TLR5: variants seen among roughly 807,000 people sequenced by gnomAD.
TLR5 encodes toll like receptor 5, also known as toll-like receptor 5.
For synonymous variants in TLR5, 373 were observed against 384.4 expected, an observed-to-expected ratio of 0.97 and a Z score of 0.35; for missense variants, 944 against 999.8, an observed-to-expected ratio of 0.94 and a Z score of 0.75.
intron 5 of TLR5, chr1:223,129,449 C>G (rs1405593988): frequency 6.6e-6 from 1 of 152,308 alleles, no homozygotes; most frequent in African/African-American, 2.4e-5. Context: ...AGGCCCTGCT[C>G]CCGACCGACC....
intron 5 of TLR5, among the ~76,000 whole-genome samples, chr1:223,115,264 A>AT (rs2102874958): frequency 6.6e-6 from 1 of 152,218 alleles, no homozygotes; most frequent in South Asian, 2.1e-4. Context: ...TTTATTATTT[A>AT]TTTGAGACAG....
intron 5 of TLR5, among the ~76,000 whole-genome samples, chr1:223,121,706 G>C (rs1656962799): frequency 1.3e-5 from 2 of 152,192 alleles, no homozygotes; most frequent in Admixed American, 1.3e-4. Context: ...TTTTTGTAGA[G>C]ACAGGGTTTT....
Position 223,111,097 on chromosome 1 carries a change from T to C in TLR5, c.1935A>G (p.Val645=), listed in dbSNP as rs888328007. ...LKSLKFSLFI[V]CTVTLTLFLM... ...GGAACAGAGTCAGAGTGACAGTGCA[T>C]ACAATGAAAAGGGAGAACTTTAGGG... is the stretch of plus-strand genomic sequence containing the variant. Residue 645 remains valine, a synonymous_variant, in exon 6 of 6, where the codon GTA becomes GTG. Coordinates refer to ENST00000642603, the MANE Select transcript of TLR5 (RefSeq NM_003268.6). 1.9e-6 allele frequency: 3 copies of C among 1,614,036 alleles called. No individual in the cohort carries two copies. The highest frequency in any genetic ancestry group is 2.5e-6 in the Non-Finnish European group (3 of 1,180,040).
rs371124654 is a variant in TLR5, at chr1:223,124,606, G to A, written c.-5+7869C>T. ...GTGGACATCCGAAAGATTGCAGCTTGTGAGTTATTTTATTTTTATTTTTTG... is the reference window on the plus strand; with the variant it reads ...GTGGACATCCGAAAGATTGCAGCTTATGAGTTATTTTATTTTTATTTTTTG... On this transcript the variant is annotated intron_variant, in intron 5 of 5. Transcript: ENST00000642603. Among the ~76,000 whole-genome samples the A allele has an allele frequency of 2.1e-3, 314 of 152,170 alleles. 5 individuals are homozygous for A. In the South Asian group the frequency reaches 0.059, roughly 28 times the overall value.
rs1656254718 is a variant in TLR5 at position 223,110,377 on chromosome 1, C to T, written c.*78G>A. ...GAAAAAAAAAACCTCCAGAGAGGAC[C>T]CCAAAATGATAACTTGGTGCAAATA... On this transcript the variant is annotated 3_prime_UTR_variant, in exon 6 of 6. Transcript: ENST00000642603. 1 of 1,530,742 alleles carries T rather than the reference C, an allele frequency of 6.5e-7. No homozygotes were observed. Among genetic ancestry groups the T allele is most frequent in the Non-Finnish European group, 9.0e-7 (1 of 1,112,032 alleles). The allele number at this position is 1,530,742 out of a possible 1,614,324, so 94.8% of individuals were successfully genotyped here. A position where few individuals can be genotyped will look rare whatever the true frequency, so the allele number is the denominator to read the frequency against.
intron 2 of TLR5, among the ~76,000 whole-genome samples, chr1:223,139,954 C>T (rs1330274738): frequency 6.6e-6 from 1 of 152,204 alleles, no homozygotes; most frequent in Non-Finnish European, 1.5e-5. Context: ...GTGCCAGACA[C>T]CAAATTCGGC....
In TLR5 at chr1:223,110,923, G is replaced by A. The variant is rs2102857019; in HGVS notation, c.2109C>T (p.Asp703=). 1 of 1,614,262 alleles carries A rather than the reference G, an allele frequency of 6.2e-7. No homozygotes were observed. Among genetic ancestry groups the A allele is most frequent in the East Asian group, 2.2e-5 (1 of 44,888 alleles). The part of the protein sequence containing the change: ...YDAYLCFSSK[D]FTWVQNALLK... ...GCAAAGCATTCTGCACCCATGTGAA[G>A]TCTTTGCTGCTGAAGCACAAATAGG... Residue 703 remains aspartate (D), a synonymous_variant, in exon 6 of 6, where the codon GAC becomes GAT. Coordinates refer to ENST00000642603, the MANE Select transcript of TLR5 (RefSeq NM_003268.6).
chr1:223,124,265 G>A (rs1215902553), intron 5 of TLR5, among the ~76,000 whole-genome samples: 4 of 152,014 alleles, frequency 2.6e-5, no homozygotes, highest in African/African-American at 9.7e-5. Context: ...ACAACACGGT[G>A]AAACCTATCT....
chr1:223,124,113 G>T (rs1400073263), intron 5 of TLR5, among the ~76,000 whole-genome samples: 1 of 152,154 alleles, frequency 6.6e-6, no homozygotes, highest in Non-Finnish European at 1.5e-5. Context: ...AATAGAGCTA[G>T]GGTGTTTCAC....
intron 2 of TLR5, among the ~76,000 whole-genome samples, chr1:223,141,111 G>C (rs1306947634): frequency 3.3e-5 from 5 of 152,222 alleles, no homozygotes; most frequent in African/African-American, 1.2e-4. Context: ...AACACATCTG[G>C]ATGCAGTAAC....
At chr1:223,124,886 G>C (rs1424967656) in intron 5 of TLR5, among the ~76,000 whole-genome samples, 1 of 152,176 alleles carries the variant, frequency 6.6e-6, no homozygotes, top group African/African-American at 2.4e-5. Flanking sequence ...TTACAGGCCT[G>C]AGCCACCGCA....
In TLR5 at chr1:223,109,443, C is replaced by CA. The variant is rs1162553519; in HGVS notation, c.*1011dup. The CA allele has an allele frequency of 6.7e-6, 1 of 149,420 alleles. No individual in the cohort carries two copies. Among genetic ancestry groups the CA allele is most frequent in the African/African-American group, 2.4e-5 (1 of 41,250 alleles). The allele number at this position is 149,420 out of a possible 1,614,324, so 9.3% of individuals were successfully genotyped here. ...AGATTTCATTTAAGATAAAAAAATA[C>CA]AACTTCAGTGAAATTGCAACTGCCC... is the stretch of plus-strand genomic sequence containing the variant. On this transcript the variant is annotated 3_prime_UTR_variant, in exon 6 of 6. Transcript: ENST00000642603.
At chr1:223,121,693 C>CT (rs1162075337) in intron 5 of TLR5, among the ~76,000 whole-genome samples, 2 of 152,082 alleles carry the variant, frequency 1.3e-5, no homozygotes, top group Non-Finnish European at 2.9e-5. Flanking sequence ...AATTTTTGTA[C>CT]TTTTTTTGTA....
intron 3 of TLR5, among the ~76,000 whole-genome samples, chr1:223,135,430 T>A (rs951481628): frequency 1.3e-5 from 2 of 152,160 alleles, no homozygotes; most frequent in Non-Finnish European, 2.9e-5. Context: ...GCTAGTTGAT[T>A]TGGCTCCAAC....
chr1:223,117,175 G>T (rs1226038869), intron 5 of TLR5, among the ~76,000 whole-genome samples: 3 of 152,138 alleles, frequency 2.0e-5, no homozygotes, highest in East Asian at 1.9e-4. Context: ...GGGGACCCGG[G>T]GCCCCCTTCG....
At chr1:223,139,416 G>A (rs1418146) in intron 2 of TLR5, among the ~76,000 whole-genome samples, 11,725 of 152,198 alleles carry the variant, frequency 0.077, 751 homozygotes, top group African/African-American at 0.17. Context: ...GATAAATGCT[G>A]TTAGAGGCTG....
intron 5 of TLR5, among the ~76,000 whole-genome samples, chr1:223,119,019 G>T (rs548844826): frequency 7.9e-5 from 12 of 152,014 alleles, no homozygotes; most frequent in Admixed American, 3.3e-4. Flanking sequence ...CAGGGGAATT[G>T]CTTGAACCCA....
chr1:223,134,270 A>T (rs564220642), intron 4 of TLR5: 1 of 152,276 alleles, frequency 6.6e-6, no homozygotes, highest in East Asian at 1.9e-4. Context: ...GCCATCATTT[A>T]CGCAACTACA....
At chr1:223,116,001 A>T (rs751922625) in intron 5 of TLR5, among the ~76,000 whole-genome samples, 5 of 152,024 alleles carry the variant, frequency 3.3e-5, no homozygotes, top group Non-Finnish European at 1.5e-5. Flanking sequence ...CTCTGCTCTT[A>T]CTGTGGCGAG....
Sources: allele counts gnomAD v4.1 joint callset (sites outside exome capture counted in the v4.1 genomes callset), GRCh38; gene constraint gnomAD v4.1.1; transcripts MANE v1.5; gene names NCBI Gene and HGNC (gene_info 2026-07-23, HGNC 2026-07-21).